The following ACYP2 variants were observed in gnomAD, a reference collection of about 807,000 sequenced individuals.
ACYP2 encodes acylphosphatase-2.
ACYP2 carries 12 observed loss-of-function variants against 11.2 expected under a neutral mutation model. That is an observed-to-expected ratio of 1.08 (90% CI 0.69 to 1.74). The LOEUF (loss-of-function observed/expected upper bound fraction) is 1.74. Among genes scored for constraint, ACYP2 ranks in the 40% most tolerant of loss-of-function variants. The pLI is 0.00. For missense variants in ACYP2, 134 were observed against 101.9 expected (o/e 1.31, Z -1.35); for synonymous variants, 43 against 32.2 (o/e 1.33, Z -1.13).
intron 2 of ACYP2, among the ~76,000 whole-genome samples, chr2:54,014,814 C>T (rs1449969182): frequency 2.0e-5 from 3 of 151,542 alleles, no homozygotes; most frequent in Non-Finnish European, 4.4e-5. Flanking sequence ...GGCTGGAGTA[C>T]AGTGGTGCAA....
intron 6 of ACYP2, among the ~76,000 whole-genome samples, chr2:54,237,982 C>T (rs1228298868): frequency 1.3e-5 from 2 of 152,122 alleles, no homozygotes; most frequent in Non-Finnish European, 2.9e-5. Flanking sequence ...TTCTAACATG[C>T]CAAGCATGCT....
At chr2:54,098,622 A>G (rs1490586264) in intron 4 of ACYP2, among the ~76,000 whole-genome samples, 2 of 152,140 alleles carry the variant, frequency 1.3e-5, no homozygotes, top group Non-Finnish European at 2.9e-5. Flanking sequence ...AGATACCAAG[A>G]TGGATGCAAA....
intron 4 of ACYP2, among the ~76,000 whole-genome samples, chr2:54,110,064 T>C (rs1271742374): frequency 6.6e-6 from 1 of 152,228 alleles, no homozygotes; most frequent in Non-Finnish European, 1.5e-5. Flanking sequence ...GTTTTGAGGA[T>C]TACTAGTCAG....
chr2:54,240,177 G>A (rs1330277095), intron 6 of ACYP2, among the ~76,000 whole-genome samples: 1 of 152,204 alleles, frequency 6.6e-6, no homozygotes, highest in Non-Finnish European at 1.5e-5. Context: ...AATGCCCATA[G>A]AGTCTGTAGC....
chr2:54,031,996 C>G (rs200371116), intron 2 of ACYP2, among the ~76,000 whole-genome samples: 11,445 of 151,834 alleles, frequency 0.075, 583 homozygotes, highest in East Asian at 0.27. Flanking sequence ...TTGTAAATTT[C>G]TTTAAGTTCT....
At chr2:54,017,016 C>T (rs1159756715) in intron 2 of ACYP2, among the ~76,000 whole-genome samples, 2 of 148,448 alleles carry the variant, frequency 1.3e-5, no homozygotes, top group African/African-American at 5.3e-5. Context: ...TGAGCCTCCG[C>T]GCCCGGCCCT....
intron 6 of ACYP2, among the ~76,000 whole-genome samples, chr2:54,178,055 C>A (rs1440820135): frequency 6.6e-6 from 1 of 151,566 alleles, no homozygotes; most frequent in African/African-American, 2.4e-5. Flanking sequence ...AAGGTGCTTG[C>A]CATCACATCC....
chr2:54,138,835 C>A, intron 6 of ACYP2, 87 bp downstream of exon 3: 1 of 1,091,548 alleles, frequency 9.2e-7, no homozygotes. Context: ...CTCTGTTGCC[C>A]AGGTTGGAGT....
chr2:54,304,742 C>G lies in ACYP2; in HGVS notation c.459C>G (p.Asn153Lys). The change falls in exon 7 of 7, where the codon AAC becomes AAG. Residue 153 changes from asparagine to lysine, a missense_variant. Asn to Lys is a moderately conservative substitution (Grantham distance 94). Transcript: ENST00000607452. ...CTAGTTCTCGCATTGACCGCACAAA[C>G]TTTTCTAATGAAAAAACCATCTCTA... The G allele has an allele frequency of 2.5e-6, 4 of 1,612,178 alleles. No individual in the cohort carries two copies. The South Asian group carries it at 3.3e-5, about 13-fold the overall frequency.
rs1430810934 is a variant in ACYP2 at position 54,078,685 on chromosome 2, C to T, written c.277+21325C>T. On this transcript the variant is annotated intron_variant, in intron 4 of 6. Transcript: ENST00000607452. Reference sequence around the variant, plus strand: ...CGCAATTTTGGCTCACTGTAACCTCCGCCTCCTGGGTTCAAGCAATTCTCC... The same window carrying T: ...CGCAATTTTGGCTCACTGTAACCTCTGCCTCCTGGGTTCAAGCAATTCTCC... Among the ~76,000 whole-genome samples the T allele has an allele frequency of 7.2e-5, 11 of 151,832 alleles. No homozygotes were observed. The East Asian group carries it at 7.7e-4, about 11-fold the overall frequency.
chr2:54,267,626 A>G (rs553262293), intron 6 of ACYP2, among the ~76,000 whole-genome samples: 5 of 152,260 alleles, frequency 3.3e-5, no homozygotes, highest in Non-Finnish European at 5.9e-5. Context: ...GACAGGAATT[A>G]AAAGAACTCT....
intron 4 of ACYP2, among the ~76,000 whole-genome samples, chr2:54,108,667 T>C (rs1233055932): frequency 6.6e-6 from 1 of 152,146 alleles, no homozygotes; most frequent in African/African-American, 2.4e-5. Flanking sequence ...TCGCCTTCCC[T>C]GTCTTGTTGT....
At chr2:54,216,863 A>G (rs1315186881) in intron 6 of ACYP2, among the ~76,000 whole-genome samples, 1 of 152,178 alleles carries the variant, frequency 6.6e-6, no homozygotes, top group Non-Finnish European at 1.5e-5. Context: ...CTTGTCATAT[A>G]GCTACTGCAC....
rs1158687204 is a variant in ACYP2 at position 54,057,331 on chromosome 2, C to T, written c.248C>T (p.Thr83Ile). The change falls in exon 4 of 7, where the codon ACT becomes ATT. Residue 83 changes from threonine (T) to isoleucine (I), a missense_variant. Thr to Ile is a moderately conservative substitution (Grantham distance 89). Transcript: ENST00000607452. ...AAGGAGAACATTTCTTGCTCATCAACTACTTTCATAAAATCAACAATTTGC... is the reference window on the plus strand; with the variant it reads ...AAGGAGAACATTTCTTGCTCATCAATTACTTTCATAAAATCAACAATTTGC... 27 of 397,834 alleles carry T rather than the reference C, an allele frequency of 6.8e-5. No homozygotes were observed. The highest frequency in any genetic ancestry group is 1.1e-4 in the Non-Finnish European group (24 of 225,680). 24.6% of individuals were successfully genotyped at this position (397,834 alleles called of 1,614,324 possible).
At chr2:54,293,673 A>T (rs1345456226) in intron 6 of ACYP2, among the ~76,000 whole-genome samples, 2 of 152,216 alleles carry the variant, frequency 1.3e-5, no homozygotes, top group African/African-American at 4.8e-5. Flanking sequence ...GCACTAAGTG[A>T]TTTACATACA....
chr2:54,269,714 G>A (rs1688196268), intron 6 of ACYP2, among the ~76,000 whole-genome samples: 1 of 152,194 alleles, frequency 6.6e-6, no homozygotes, highest in Admixed American at 6.5e-5. Context: ...GTTGAAAAAT[G>A]CAATAGATGT....
intron 6 of ACYP2, among the ~76,000 whole-genome samples, chr2:54,159,262 C>G (rs987758960): frequency 6.6e-6 from 1 of 151,770 alleles, no homozygotes; most frequent in Non-Finnish European, 1.5e-5. Flanking sequence ...GCATCTCATT[C>G]GGTCACGTGA....
At chr2:54,057,955 A>G (rs925474877) in intron 4 of ACYP2, among the ~76,000 whole-genome samples, 1 of 152,362 alleles carries the variant, frequency 6.6e-6, no homozygotes, top group African/African-American at 2.4e-5. Flanking sequence ...TTTGGAAAAC[A>G]AATATTTTAA....
chr2:54,228,414 T>A (rs1028460911), intron 6 of ACYP2, among the ~76,000 whole-genome samples: 2 of 152,242 alleles, frequency 1.3e-5, no homozygotes, highest in Non-Finnish European at 2.9e-5. Context: ...AGTGTCTTTA[T>A]TCCCATTTTG....
Sources: gnomAD v4.1 joint callset for allele counts (sites outside exome capture counted in the v4.1 genomes callset) on GRCh38, gnomAD v4.1.1 for gene constraint, MANE v1.5 for transcripts, NCBI Gene and HGNC (gene_info 2026-07-23, HGNC 2026-07-21) for gene names.